The following FOXN3 variants were observed in gnomAD, a reference collection of about 807,000 sequenced individuals.
FOXN3 encodes the protein forkhead box protein N3.
FOXN3 carries 7 observed loss-of-function variants against 38.4 expected under a neutral mutation model. The observed-to-expected ratio is 0.18, with a 90% CI of 0.10 to 0.34. The LOEUF (loss-of-function observed/expected upper bound fraction) is 0.34, where lower values mean the gene tolerates loss of function less well. FOXN3 is among the 10% of genes least tolerant of loss of function. The pLI is 1.00. For synonymous variants in FOXN3, 230 were observed against 242.2 expected (o/e 0.95, Z 0.47); for missense variants, 456 against 613.4 (o/e 0.74, Z 2.71).
At chr14:89,567,602 G>A (rs1050280550) in intron 1 of FOXN3, among the ~76,000 whole-genome samples, 1 of 151,846 alleles carries the variant, frequency 6.6e-6, no homozygotes, top group Non-Finnish European at 1.5e-5. Flanking sequence ...GGTACAAAGT[G>A]GTACCAAGGG....
chr14:89,181,973 T>C (rs1280038056), intron 4 of FOXN3, among the ~76,000 whole-genome samples: 1 of 152,188 alleles, frequency 6.6e-6, no homozygotes, highest in African/African-American at 2.4e-5. Context: ...TCTACCATCA[T>C]GGGTTCAAGA....
At chr14:89,371,438 C>T (rs547307327) in intron 2 of FOXN3, among the ~76,000 whole-genome samples, 6 of 152,024 alleles carry the variant, frequency 3.9e-5, no homozygotes, top group Non-Finnish European at 7.4e-5. Context: ...GAAAACCTCC[C>T]ATCATGACCC....
rs77233138 is a variant in FOXN3, at chr14:89,260,714, C to T, written c.745+20236G>A. 5.4e-3 allele frequency among the ~76,000 whole-genome samples: 829 copies of T among 152,336 alleles called. 1 individual carries two copies. The highest frequency in any genetic ancestry group is 8.1e-3 in the Non-Finnish European group (549 of 68,028). Reference sequence around the variant, plus strand: ...GGCCCAACTGAAAGCTTCCCTACCCCCTAATATTTAAGCAGCCCAAGTGTC... The same window carrying T: ...GGCCCAACTGAAAGCTTCCCTACCCTCTAATATTTAAGCAGCCCAAGTGTC... On this transcript the variant is annotated intron_variant, in intron 4 of 5. Transcript: ENST00000557258.
chr14:89,509,932 A>G (rs1894022198), intron 1 of FOXN3, among the ~76,000 whole-genome samples: 1 of 152,240 alleles, frequency 6.6e-6, no homozygotes, highest in African/African-American at 2.4e-5. Context: ...TCATGCAAGT[A>G]TGGACATCAT....
chr14:89,449,552 C>A (rs185190267), intron 1 of FOXN3, among the ~76,000 whole-genome samples: 205 of 152,312 alleles, frequency 1.3e-3, no homozygotes, highest in African/African-American at 4.8e-3. Flanking sequence ...CACAGAAGTT[C>A]TGAAGTCCAT....
chr14:89,527,891 A>G (rs1232736787), intron 1 of FOXN3, among the ~76,000 whole-genome samples: 2 of 151,978 alleles, frequency 1.3e-5, no homozygotes, highest in Non-Finnish European at 2.9e-5. Context: ...TAGTAGAGAC[A>G]GGGTTTTGCC....
At chr14:89,287,779 G>A (rs1418668280) in intron 3 of FOXN3, among the ~76,000 whole-genome samples, 2 of 147,978 alleles carry the variant, frequency 1.4e-5, no homozygotes, top group African/African-American at 5.0e-5. Context: ...AAAAGTAACT[G>A]TTGGCTCACC....
At chr14:89,263,443 A>G (rs554016404) in intron 4 of FOXN3, 1 of 152,306 alleles carries the variant, frequency 6.6e-6, no homozygotes, top group East Asian at 1.9e-4. Flanking sequence ...GAATCTAAAT[A>G]TTGTATTAAC....
Position 89,454,362 on chromosome 14 carries a change from G to A in FOXN3, c.-14-41872C>T, listed in dbSNP as rs575693503. On this transcript the variant is annotated intron_variant, in intron 1 of 6. Transcript: ENST00000345097. The stretch of plus-strand genomic sequence containing the variant: ...CTGTCTGCAAACAAAGAGAGTCCTC[G>A]CCAGGAAGCAAAATGGCCAGCACTT... Among the ~76,000 whole-genome samples the A allele has an allele frequency of 2.4e-3, 368 of 152,248 alleles. 1 individual carries two copies. Among genetic ancestry groups the A allele is most frequent in the Non-Finnish European group, 3.9e-3 (266 of 68,024 alleles).
intron 1 of FOXN3, among the ~76,000 whole-genome samples, chr14:89,609,079 T>C (rs1301889628): frequency 3.3e-5 from 5 of 151,842 alleles, no homozygotes; most frequent in African/African-American, 1.2e-4. Context: ...AGTTCAGGGG[T>C]GAAGAGACAC....
intron 1 of FOXN3, among the ~76,000 whole-genome samples, chr14:89,542,539 G>C (rs1235746660): frequency 2.0e-5 from 3 of 152,148 alleles, no homozygotes; most frequent in African/African-American, 7.2e-5. Flanking sequence ...AGTCAAGTTC[G>C]TCATTGCTTT....
chr14:89,341,062 AAAC>A (rs1888600308), intron 3 of FOXN3, among the ~76,000 whole-genome samples: 1 of 152,124 alleles, frequency 6.6e-6, no homozygotes, highest in Non-Finnish European at 1.5e-5. Context: ...AGAAACTCAG[AAAC>A]AACATCTCAA....
chr14:89,335,107 A>ACACAC (rs1888408959), intron 3 of FOXN3, among the ~76,000 whole-genome samples: 2 of 151,472 alleles, frequency 1.3e-5, no homozygotes, highest in African/African-American at 4.9e-5. Flanking sequence ...ACACACACAC[A>ACACAC]CACACACACA....
intron 1 of FOXN3, among the ~76,000 whole-genome samples, chr14:89,587,116 GTGTGAAGGCAAAATTTCCTTTTTCT>G (rs1484608479): frequency 2.4e-4 from 37 of 152,370 alleles, no homozygotes; most frequent in Non-Finnish European, 1.5e-5. Flanking sequence ...TCCAGAGGCC[GTGTGAAGGCAAAATTTCCTTTTTCT>G]TGTGAAGGCA....
chr14:89,224,391 G>A (rs1251363687), intron 4 of FOXN3, among the ~76,000 whole-genome samples: 1 of 152,194 alleles, frequency 6.6e-6, no homozygotes, highest in Non-Finnish European at 1.5e-5. Context: ...GTGAACACCT[G>A]TCAAAAGCCT....
intron 1 of FOXN3, among the ~76,000 whole-genome samples, chr14:89,537,419 A>T (rs539879554): frequency 1.3e-5 from 2 of 151,868 alleles, no homozygotes; most frequent in Non-Finnish European, 2.9e-5. Context: ...GGACTGTCCA[A>T]TTTAGAGGAT....
At chr14:89,405,763 G>A (rs769031557) in intron 2 of FOXN3, among the ~76,000 whole-genome samples, 2 of 152,106 alleles carry the variant, frequency 1.3e-5, no homozygotes, top group Non-Finnish European at 2.9e-5. Context: ...TTAATTCTGG[G>A]TTTATTTGGG....
At chr14:89,254,404 G>A (rs1490882445) in intron 4 of FOXN3, among the ~76,000 whole-genome samples, 1 of 152,148 alleles carries the variant, frequency 6.6e-6, no homozygotes, top group Non-Finnish European at 1.5e-5. Context: ...CTGTAAGGGA[G>A]GTGGGGAGAA....
In FOXN3 at chr14:89,395,575, C is replaced by T. The variant is rs201957453; in HGVS notation, c.543+16359G>A. Reference sequence around the variant, plus strand: ...TATTTCTTCATGTGTCTGTCTCTCCCACTAGACTAGAAATTCCTGGTGGAC... The same window carrying T: ...TATTTCTTCATGTGTCTGTCTCTCCTACTAGACTAGAAATTCCTGGTGGAC... On this transcript the variant is annotated intron_variant, in intron 2 of 5. Transcript: ENST00000557258. Among the ~76,000 whole-genome samples, 16 of 152,210 alleles carry T rather than the reference C, an allele frequency of 1.1e-4. No homozygotes were observed. In the East Asian group the frequency reaches 3.1e-3, roughly 29 times the overall value.
Sources: allele counts gnomAD v4.1 joint callset (sites outside exome capture counted in the v4.1 genomes callset), GRCh38; gene constraint gnomAD v4.1.1; transcripts MANE v1.5; gene names NCBI Gene and HGNC (gene_info 2026-07-23, HGNC 2026-07-21).